Variants in AXDND1 observed in about 807,000 individuals in gnomAD.
AXDND1 encodes the protein axonemal dynein light chain domain-containing protein 1.
A neutral mutation model predicts 137.5 loss-of-function variants in AXDND1; 110 were observed. That is an observed-to-expected ratio of 0.80 (90% CI 0.69 to 0.94). The LOEUF (loss-of-function observed/expected upper bound fraction) is 0.94. AXDND1 is among the 40% of genes least tolerant of loss of function. The pLI is 0.00. For synonymous variants in AXDND1, 414 were observed against 399.7 expected (o/e 1.04, Z -0.43); for missense variants, 1,191 against 1,169.8 (o/e 1.02, Z -0.26).
intron 21 of AXDND1, among the ~76,000 whole-genome samples, chr1:179,521,309 C>T (rs972827519): frequency 6.6e-6 from 1 of 152,132 alleles, no homozygotes; most frequent in African/African-American, 2.4e-5. Flanking sequence ...TTTCTCTCTC[C>T]TCCTCCTGCT....
At chr1:179,415,689 C>T (rs1654587492) in intron 12 of AXDND1, among the ~76,000 whole-genome samples, 1 of 151,830 alleles carries the variant, frequency 6.6e-6, no homozygotes, top group Non-Finnish European at 1.5e-5. Context: ...AATGAACTTT[C>T]TTTTCTCTCC....
At chr1:179,518,385 C>CTTTTTTTTTTTTTT (rs71114530) in intron 21 of AXDND1, among the ~76,000 whole-genome samples, 3 of 145,102 alleles carry the variant, frequency 2.1e-5, no homozygotes, top group Non-Finnish European at 4.5e-5. Context: ...TTTCCTTTTT[C>CTTTTTTTTTTTTTT]TTTTTTTTTT....
chr1:179,447,653 T>G, intron 16 of AXDND1: 1 of 1,328,104 alleles, frequency 7.5e-7, no homozygotes, highest in Non-Finnish European at 1.1e-6. Context: ...AGATCTGGTT[T>G]TCCACTGTTC....
intron 21 of AXDND1, among the ~76,000 whole-genome samples, chr1:179,516,670 C>A (rs1000033832): frequency 6.6e-6 from 1 of 152,162 alleles, no homozygotes; most frequent in African/African-American, 2.4e-5. Context: ...TACTCTCCCC[C>A]TTTTCCTATG....
intron 17 of AXDND1, among the ~76,000 whole-genome samples, chr1:179,480,362 C>T (rs1458998946): frequency 3.3e-5 from 5 of 152,126 alleles, no homozygotes; most frequent in Admixed American, 6.5e-5. Flanking sequence ...AAGGGGTTCC[C>T]CTTATAAAAT....
At position 179,456,360 on chromosome 1, in the gene AXDND1, G is replaced by A. The variant is rs967097826; in HGVS notation, c.1798+11156G>A. On this transcript the variant is annotated intron_variant, in intron 16 of 25. Coordinates refer to ENST00000367618, the MANE Select transcript of AXDND1 (RefSeq NM_144696.6). Reference sequence around the variant, plus strand: ...GCCTCCAAAGTTTCCTCCCTTCGTGGGTCCAAAATTTGAAGACTGATTGTT... The same window carrying A: ...GCCTCCAAAGTTTCCTCCCTTCGTGAGTCCAAAATTTGAAGACTGATTGTT... 4 of 778,720 alleles carry A rather than the reference G, an allele frequency of 5.1e-6. No individual in the cohort carries two copies. In the African/African-American group the frequency reaches 6.8e-5, roughly 13 times the overall value. 48.2% of individuals were successfully genotyped at this position (778,720 alleles called of 1,614,324 possible).
chr1:179,504,733 C>T (rs1165497424), intron 20 of AXDND1, among the ~76,000 whole-genome samples: 1 of 152,188 alleles, frequency 6.6e-6, no homozygotes, highest in Non-Finnish European at 1.5e-5. Context: ...CCTACACTTT[C>T]CACTAGTGCT....
intron 23 of AXDND1, among the ~76,000 whole-genome samples, chr1:179,530,029 G>A (rs768808453): frequency 1.5e-4 from 23 of 152,008 alleles, no homozygotes; most frequent in Admixed American, 4.6e-4. Flanking sequence ...ATACAATGTC[G>A]TGAGATTTAT....
At chr1:179,496,373 C>T (rs183355338) in intron 20 of AXDND1, among the ~76,000 whole-genome samples, 11 of 152,118 alleles carry the variant, frequency 7.2e-5, no homozygotes, top group Admixed American at 7.2e-4. Flanking sequence ...ATAGAGCTAT[C>T]TAATTTCTTT....
chr1:179,447,541 G>A lies in AXDND1; in HGVS notation c.1798+2337G>A, dbSNP rs1659910030. The A allele has an allele frequency of 4.3e-6, 3 of 701,110 alleles. No homozygotes were observed. In the African/African-American group the frequency reaches 5.4e-5, roughly 13 times the overall value. 43.4% of individuals were successfully genotyped at this position (701,110 alleles called of 1,614,324 possible). A position where few individuals can be genotyped will look rare whatever the true frequency, so the allele number is the denominator to read the frequency against. The stretch of plus-strand genomic sequence containing the variant: ...GCAGAAAATTCCAAAGGAAGCTACA[G>A]GCTATGTATAAAATACATGTTTTAA... On this transcript the variant is annotated intron_variant, in intron 16 of 25. Transcript: ENST00000367618.
At chr1:179,458,852 T>G (rs1661796052) in intron 16 of AXDND1, among the ~76,000 whole-genome samples, 1 of 144,566 alleles carries the variant, frequency 6.9e-6, no homozygotes, top group African/African-American at 2.6e-5. Context: ...ATGCTTGATA[T>G]CAACATTTTT....
intron 4 of AXDND1, among the ~76,000 whole-genome samples, chr1:179,373,386 A>T (rs1051039779): frequency 1.3e-5 from 2 of 152,212 alleles, no homozygotes; most frequent in African/African-American, 4.8e-5. Flanking sequence ...AATATCGTGA[A>T]AATGGCCATA....
At chr1:179,467,989 T>G (rs1336954126) in intron 16 of AXDND1, among the ~76,000 whole-genome samples, 1 of 152,200 alleles carries the variant, frequency 6.6e-6, no homozygotes. Flanking sequence ...ATAAACTTTA[T>G]GAAACCCTGA....
chr1:179,461,058 A>C (rs1306772626), intron 16 of AXDND1, among the ~76,000 whole-genome samples: 1 of 152,154 alleles, frequency 6.6e-6, no homozygotes, highest in Non-Finnish European at 1.5e-5. Context: ...TAGTTTAATT[A>C]GATCTCATTT....
At chr1:179,428,961 G>A (rs112532109) in intron 12 of AXDND1, among the ~76,000 whole-genome samples, 6,162 of 151,412 alleles carry the variant, frequency 0.041, 168 homozygotes, top group Non-Finnish European at 0.061. Flanking sequence ...GGCAGATCAC[G>A]AGGTCAGGAG....
chr1:179,380,262 A>G (rs1021310184), intron 6 of AXDND1, among the ~76,000 whole-genome samples: 1 of 151,802 alleles, frequency 6.6e-6, no homozygotes, highest in Non-Finnish European at 1.5e-5. Context: ...AAAAAAATAC[A>G]TAAATGAAAG....
At position 179,375,385 on chromosome 1, in the gene AXDND1, C is replaced by G. The variant is rs370289328; in HGVS notation, c.375-3252C>G. On this transcript the variant is annotated intron_variant, in intron 4 of 25. Coordinates refer to ENST00000367618, the MANE Select transcript of AXDND1 (RefSeq NM_144696.6). Reference sequence around the variant, plus strand: ...CCCTAAAATACTAGGATTATAGGCGCGAGCCACCATGCCCGGCCCCAACAT... The same window carrying G: ...CCCTAAAATACTAGGATTATAGGCGGGAGCCACCATGCCCGGCCCCAACAT... Among the ~76,000 whole-genome samples, 10 of 151,878 alleles carry G rather than the reference C, an allele frequency of 6.6e-5. 1 individual carries two copies. The highest frequency in any genetic ancestry group is 1.2e-4 in the Non-Finnish European group (8 of 67,974).
At chr1:179,426,726 A>G (rs1656622529) in intron 12 of AXDND1, among the ~76,000 whole-genome samples, 2 of 152,266 alleles carry the variant, frequency 1.3e-5, no homozygotes, top group African/African-American at 4.8e-5. Flanking sequence ...TTCAAACAGT[A>G]GAACACTAAG....
intron 18 of AXDND1, among the ~76,000 whole-genome samples, chr1:179,485,750 A>AGG (rs1665964484): frequency 6.6e-6 from 1 of 151,862 alleles, no homozygotes; most frequent in South Asian, 2.1e-4. Flanking sequence ...AACGTACAAG[A>AGG]AAGTTGAAAC....
Sources: allele counts gnomAD v4.1 joint callset (sites outside exome capture counted in the v4.1 genomes callset), GRCh38; gene constraint gnomAD v4.1.1; transcripts MANE v1.5; gene names NCBI Gene and HGNC (gene_info 2026-07-23, HGNC 2026-07-21).